Variants in NEMP2 observed in about 807,000 individuals in gnomAD.
NEMP2 encodes nuclear envelope integral membrane protein 2.
NEMP2 carries 53 observed loss-of-function variants against 54.2 expected under a neutral mutation model. That is an observed-to-expected ratio of 0.98 (90% CI 0.78 to 1.23). The LOEUF is 1.23. NEMP2 is among the 50% of genes most tolerant of loss of function. The pLI is 0.00. For synonymous variants in NEMP2, 197 were observed against 190.3 expected, an observed-to-expected ratio of 1.04 and a Z score of -0.29; for missense variants, 455 against 511.3, an observed-to-expected ratio of 0.89 and a Z score of 1.06.
At chr2:190,612,302 C>T in the NEMP2 span, among the ~76,000 whole-genome samples, 9 of 152,082 alleles carry the variant, frequency 5.9e-5, no homozygotes, top group East Asian at 3.9e-4. Context: ...ACCACAGGTG[C>T]GTGCCACCAC....
At chr2:190,647,599 T>C in the NEMP2 span, among the ~76,000 whole-genome samples, 1 of 152,164 alleles carries the variant, frequency 6.6e-6, no homozygotes, top group Non-Finnish European at 1.5e-5. Context: ...AAGAACACAA[T>C]GCTAAAATTC....
the NEMP2 span, among the ~76,000 whole-genome samples, chr2:190,452,868 T>C: frequency 6.6e-5 from 10 of 152,324 alleles, no homozygotes; most frequent in Non-Finnish European, 1.2e-4. Context: ...TAACTTGTAC[T>C]GAATATAAGT....
the NEMP2 span, chr2:190,611,024 T>G: frequency 6.6e-6 from 1 of 152,200 alleles, no homozygotes; most frequent in East Asian, 1.9e-4. This position sits in a 1 kb window ranked among gnomAD's most constrained non-coding sequence, Gnocchi z 5.4. Context: ...TGTTAGAGCT[T>G]TATAGCTGAT....
chr2:190,613,992 G>T, the NEMP2 span, among the ~76,000 whole-genome samples: 4 of 113,882 alleles, frequency 3.5e-5, no homozygotes, highest in East Asian at 2.9e-4. Flanking sequence ...TTTTTCTGTT[G>T]AAGTATTTAA....
the NEMP2 span, among the ~76,000 whole-genome samples, chr2:190,493,724 C>A: frequency 6.6e-6 from 1 of 152,124 alleles, no homozygotes; most frequent in South Asian, 2.1e-4. Context: ...AAGGAACCTT[C>A]AAAACCATGC....
In NEMP2 at chr2:190,529,729, G is replaced by C. The variant is rs533401404; in HGVS notation, c.98-4351C>G. On this transcript the variant is annotated intron_variant, in intron 1 of 8. Transcript: ENST00000409150. The surrounding 1 kb of genome is among the most constrained non-coding windows in gnomAD (Gnocchi z 4.7). The stretch of plus-strand genomic sequence containing the variant: ...ATTTAGGCATGTGTGGCCTACCAAT[G>C]GAAGTCCAGCCAATCTTTGTAAGAG... Among the ~76,000 whole-genome samples the C allele has an allele frequency of 2.1e-4, 32 of 152,278 alleles. No homozygotes were observed. Among genetic ancestry groups the C allele is most frequent in the African/African-American group, 7.7e-4 (32 of 41,558 alleles).
At chr2:190,576,143 AT>A in the NEMP2 span, among the ~76,000 whole-genome samples, 13 of 151,518 alleles carry the variant, frequency 8.6e-5, no homozygotes, top group Admixed American at 2.6e-4. Flanking sequence ...TTATTTTAAA[AT>A]TTTTTTTCTA....
upstream of NEMP2, among the ~76,000 whole-genome samples, chr2:190,535,537 A>G (rs1691347299): frequency 6.6e-6 from 1 of 152,338 alleles, no homozygotes; most frequent in Admixed American, 6.5e-5. Context: ...AATATTCCAT[A>G]CTTAACTAGG....
the NEMP2 span, among the ~76,000 whole-genome samples, chr2:190,540,397 C>T: frequency 6.6e-6 from 1 of 152,078 alleles, no homozygotes; most frequent in Admixed American, 6.5e-5. Context: ...GATCCTCCCG[C>T]CTCAGCCTCC....
chr2:190,563,851 C>T, the NEMP2 span, among the ~76,000 whole-genome samples: 10 of 152,220 alleles, frequency 6.6e-5, no homozygotes, highest in Admixed American at 5.2e-4. This position sits in a 1 kb window ranked among gnomAD's most constrained non-coding sequence, Gnocchi z 4.3. Context: ...CAAGGGCCAG[C>T]CCACTCATCA....
the NEMP2 span, among the ~76,000 whole-genome samples, chr2:190,424,081 A>G: frequency 6.6e-6 from 1 of 152,204 alleles, no homozygotes; most frequent in African/African-American, 2.4e-5. The surrounding 1 kb of genome is among the most constrained non-coding windows in gnomAD (Gnocchi z 5.9). Context: ...CACAGTCTGT[A>G]GCTTGTGTTT....
At chr2:190,630,569 C>T in the NEMP2 span, among the ~76,000 whole-genome samples, 7 of 152,218 alleles carry the variant, frequency 4.6e-5, no homozygotes, top group Admixed American at 1.3e-4. The surrounding 1 kb of genome is among the most constrained non-coding windows in gnomAD (Gnocchi z 5.5). Flanking sequence ...AGTCCTGATA[C>T]GGCTCCTTCT....
At chr2:190,633,215 T>C in the NEMP2 span, among the ~76,000 whole-genome samples, 6 of 152,276 alleles carry the variant, frequency 3.9e-5, no homozygotes, top group Non-Finnish European at 8.8e-5. Flanking sequence ...CTTTGAACTG[T>C]ACTAATTGTT....
chr2:190,472,493 G>A, the NEMP2 span, among the ~76,000 whole-genome samples: 1 of 152,184 alleles, frequency 6.6e-6, no homozygotes, highest in African/African-American at 2.4e-5. Context: ...ATCAGTGATG[G>A]AAGATCAAAT....
chr2:190,579,525 G>A, the NEMP2 span, among the ~76,000 whole-genome samples: 1 of 152,080 alleles, frequency 6.6e-6, no homozygotes, highest in African/African-American at 2.4e-5. Flanking sequence ...GGACTATAGT[G>A]TGCTTAAGTA....
Position 190,509,158 on chromosome 2 carries a change from T to C in NEMP2, c.*31A>G, listed in dbSNP as rs1208226841. 9 of 1,551,244 alleles carry C rather than the reference T, an allele frequency of 5.8e-6. No individual in the cohort carries two copies. In the East Asian group the frequency reaches 2.2e-4, roughly 38 times the overall value. On this transcript the variant is annotated 3_prime_UTR_variant, in exon 9 of 9. Transcript: ENST00000409150. The surrounding 1 kb of genome is among the most constrained non-coding windows in gnomAD (Gnocchi z 6.1). Reference sequence around the variant, plus strand: ...TCCCTGCCCTTTGCCCACTTCCTTGTCCAGAATGAAGTCAACTTGAAGGTC... The same window carrying C: ...TCCCTGCCCTTTGCCCACTTCCTTGCCCAGAATGAAGTCAACTTGAAGGTC...
chr2:190,596,209 T>G, the NEMP2 span, among the ~76,000 whole-genome samples: 1 of 151,972 alleles, frequency 6.6e-6, no homozygotes, highest in Non-Finnish European at 1.5e-5. The surrounding 1 kb of genome is among the most constrained non-coding windows in gnomAD (Gnocchi z 5.1). Flanking sequence ...TGAGAACACA[T>G]GGACACAGGG....
the NEMP2 span, among the ~76,000 whole-genome samples, chr2:190,484,476 G>A: frequency 3.9e-5 from 6 of 151,910 alleles, no homozygotes; most frequent in African/African-American, 7.3e-5. Context: ...TGTCGTTTTC[G>A]GTAGCACAAT....
chr2:190,436,354 A>AT, the NEMP2 span: 1 of 1,614,210 alleles, frequency 6.2e-7, no homozygotes, highest in Non-Finnish European at 8.5e-7. The surrounding 1 kb of genome is among the most constrained non-coding windows in gnomAD (Gnocchi z 5.3). Flanking sequence ...ACTAGTAGGT[A>AT]TTCGTTACTT....
Sources: gnomAD v4.1 joint callset for allele counts (sites outside exome capture counted in the v4.1 genomes callset) on GRCh38, gnomAD v4.1.1 for gene constraint, Gnocchi (gnomAD v3.1) non-coding constraint, MANE v1.5 for transcripts, NCBI Gene and HGNC (gene_info 2026-07-23, HGNC 2026-07-21) for gene names.